Variants in P2RX7 observed in about 807,000 individuals in gnomAD.
The protein encoded by P2RX7 is P2X purinoceptor 7.
Under a neutral mutation model 71.6 loss-of-function variants are expected in P2RX7, and 62 were observed. The observed-to-expected ratio is 0.87, with a 90% CI of 0.71 to 1.07. P2RX7 has a LOEUF of 1.07. P2RX7 is among the 50% of genes least tolerant of loss of function. The pLI, the probability that P2RX7 is intolerant of heterozygous loss-of-function variation, is 0.00. For missense variants in P2RX7, 686 were observed against 748.5 expected (o/e 0.92, Z 0.97); for synonymous variants, 299 against 283.3 (o/e 1.06, Z -0.56).
rs201193974 is a variant in P2RX7, at chr12:121,167,475, G to C, written c.745-13G>C. On this transcript the variant is annotated splice_polypyrimidine_tract_variant and intron_variant, in intron 7 of 12. Transcript: ENST00000328963. Reference sequence around the variant, plus strand: ...CCAGCAGCCATAGAGACTGTCCCTTGTTGATCCTTCAGGGCGGAATAATGG... The same window carrying C: ...CCAGCAGCCATAGAGACTGTCCCTTCTTGATCCTTCAGGGCGGAATAATGG... The C allele has an allele frequency of 3.0e-5, 49 of 1,613,860 alleles. No homozygotes were observed. The highest frequency in any genetic ancestry group is 3.8e-5 in the Non-Finnish European group (45 of 1,179,914).
chr12:121,148,111 T>C (rs1876595629), intron 1 of P2RX7, among the ~76,000 whole-genome samples: 1 of 152,142 alleles, frequency 6.6e-6, no homozygotes, highest in African/African-American at 2.4e-5. Context: ...TATCTATTTG[T>C]GTGTCTAGGT....
At chr12:121,159,029 G>A (rs1044525366) in intron 3 of P2RX7, among the ~76,000 whole-genome samples, 1 of 152,218 alleles carries the variant, frequency 6.6e-6, no homozygotes, top group African/African-American at 2.4e-5. Context: ...GAGATCATGA[G>A]AGAGTTTGAA....
chr12:121,133,496 T>C (rs944417668), intron 1 of P2RX7, among the ~76,000 whole-genome samples: 1 of 152,212 alleles, frequency 6.6e-6, no homozygotes, highest in African/African-American at 2.4e-5. Flanking sequence ...GAAAATGTGT[T>C]ATAACTTTAG....
At chr12:121,134,074 C>A (rs1204010603) in intron 1 of P2RX7, among the ~76,000 whole-genome samples, 1 of 152,108 alleles carries the variant, frequency 6.6e-6, no homozygotes, top group Non-Finnish European at 1.5e-5. Flanking sequence ...CATGGATAGA[C>A]CACTTTTTTC....
intron 1 of P2RX7, among the ~76,000 whole-genome samples, chr12:121,153,956 A>G (rs973602546): frequency 6.6e-6 from 1 of 152,164 alleles, no homozygotes; most frequent in Middle Eastern, 3.4e-3. Flanking sequence ...CCCCGTCTCT[A>G]TAAAAAATAA....
chr12:121,165,342 A>C lies in P2RX7; in HGVS notation c.534-15A>C, dbSNP rs760835245. On this transcript the variant is annotated splice_polypyrimidine_tract_variant and intron_variant, in intron 5 of 12. Coordinates refer to ENST00000328963, the MANE Select transcript of P2RX7 (RefSeq NM_002562.6). ...CCCCCGTCACTAATGGCCATTTTGC[A>C]TGTCTCTCTCCCAGGCCTGCTCTCT... The C allele has an allele frequency of 6.2e-7, 1 of 1,611,486 alleles. No homozygotes were observed. Among genetic ancestry groups the C allele is most frequent in the Non-Finnish European group, 8.5e-7 (1 of 1,177,776 alleles).
chr12:121,148,511 A>G (rs1462367012), intron 1 of P2RX7, among the ~76,000 whole-genome samples: 1 of 152,064 alleles, frequency 6.6e-6, no homozygotes, highest in Admixed American at 6.6e-5. Flanking sequence ...CACCGCACCC[A>G]GCTGTGATCT....
chr12:121,153,837 G>T (rs1055876055), intron 1 of P2RX7, among the ~76,000 whole-genome samples: 8 of 152,160 alleles, frequency 5.3e-5, no homozygotes, highest in Non-Finnish European at 1.0e-4. Flanking sequence ...CTGCAGCCTG[G>T]TGTGGTGGCC....
intron 1 of P2RX7, chr12:121,148,875 G>C: frequency 3.0e-6 from 1 of 330,552 alleles, no homozygotes; most frequent in South Asian, 2.5e-5. Context: ...TGCAGGCACA[G>C]TCCTGGCGCT....
Position 121,155,450 on chromosome 12 carries a change from C to T in P2RX7, c.294+497C>T, listed in dbSNP as rs1027485919. On this transcript the variant is annotated intron_variant, in intron 2 of 12. Coordinates refer to ENST00000328963, the MANE Select transcript of P2RX7 (RefSeq NM_002562.6). Reference sequence around the variant, plus strand: ...TCGGTCACTGAGAGAAGGCGTGTGACTTCTAGATTTGCAAGCAGGGAAAAT... The same window carrying T: ...TCGGTCACTGAGAGAAGGCGTGTGATTTCTAGATTTGCAAGCAGGGAAAAT... The T allele has an allele frequency of 5.0e-5, 60 of 1,189,154 alleles. No individual in the cohort carries two copies. In the Admixed American group the frequency reaches 1.4e-3, roughly 28 times the overall value. The allele number at this position is 1,189,154 out of a possible 1,614,324, so 73.7% of individuals were successfully genotyped here. A position where few individuals can be genotyped will look rare whatever the true frequency, so the allele number is the denominator to read the frequency against.
chr12:121,138,645 ATC>A (rs773461475), intron 1 of P2RX7, among the ~76,000 whole-genome samples: 5 of 152,242 alleles, frequency 3.3e-5, no homozygotes, highest in Non-Finnish European at 7.3e-5. Flanking sequence ...AAAATCGGTG[ATC>A]TATTACAAGG....
At chr12:121,181,872 T>C (rs1175974275) in intron 12 of P2RX7, among the ~76,000 whole-genome samples, 1 of 151,848 alleles carries the variant, frequency 6.6e-6, no homozygotes, top group African/African-American at 2.4e-5. Context: ...AGGAACAGCC[T>C]GGCCAACATG....
At chr12:121,143,855 A>C (rs1039467303) in intron 1 of P2RX7, among the ~76,000 whole-genome samples, 1 of 152,184 alleles carries the variant, frequency 6.6e-6, no homozygotes, top group Non-Finnish European at 1.5e-5. Flanking sequence ...CGTCTCAAAA[A>C]AAAGAAAGTC....
Position 121,167,521 on chromosome 12 carries a change from T to G in P2RX7, c.778T>G (p.Cys260Gly). The part of the protein sequence containing the change: ...GIMGIEIYWD[C>G]NLDRWFHHCR... ...AATGGGCATTGAGATCTACTGGGAC[T>G]GCAACCTAGACCGTTGGTTCCATCA... is the stretch of plus-strand genomic sequence containing the variant. The change falls in exon 8 of 13, where the codon TGC (cysteine) becomes GGC (glycine). Residue 260 changes from cysteine to glycine, a missense_variant. By Grantham distance (159) the Cys-to-Gly change is radical (BLOSUM62 -3). Coordinates refer to ENST00000328963, the MANE Select transcript of P2RX7 (RefSeq NM_002562.6). 6.2e-7 allele frequency: 1 copy of G among 1,614,020 alleles called. No homozygotes were observed. Among genetic ancestry groups the G allele is most frequent in the Non-Finnish European group, 8.5e-7 (1 of 1,179,938 alleles).
chr12:121,164,391 GT>G (rs1485961279), intron 5 of P2RX7, among the ~76,000 whole-genome samples: 1 of 152,234 alleles, frequency 6.6e-6, no homozygotes, highest in Non-Finnish European at 1.5e-5. Flanking sequence ...TACGGAGCAA[GT>G]CTCAACCACT....
rs964330769 is a variant in P2RX7, at chr12:121,165,414, C to T, written c.591C>T (p.Asp197=). 6.2e-7 allele frequency: 1 copy of T among 1,614,070 alleles called. No homozygotes were observed. The highest frequency in any genetic ancestry group is 1.7e-5 in the Admixed American group (1 of 60,012). Residue 197 remains aspartate (D), a synonymous_variant, in exon 6 of 13, where the codon GAC becomes GAT. Transcript: ENST00000328963. ...CTGTGCTCATCAAGAACAATATCGA[C>T]TTCCCCGGCCACAACTACACCACGT... is the stretch of plus-strand genomic sequence containing the variant. The part of the protein sequence containing the change: ...NFTVLIKNNI[D]FPGHNYTTRN...
At chr12:121,176,143 T>A (rs1883070938) in intron 9 of P2RX7, among the ~76,000 whole-genome samples, 1 of 151,630 alleles carries the variant, frequency 6.6e-6, no homozygotes, top group South Asian at 2.1e-4. Flanking sequence ...GTGACCAGGG[T>A]CATGCCATAC....
chr12:121,177,732 A>ATTTATTTT (rs2136146931), intron 11 of P2RX7, among the ~76,000 whole-genome samples: 1 of 134,002 alleles, frequency 7.5e-6, no homozygotes, highest in South Asian at 2.4e-4. Flanking sequence ...TTATTTATTT[A>ATTTATTTT]TTTTCAGATG....
intron 8 of P2RX7, among the ~76,000 whole-genome samples, chr12:121,174,673 G>A (rs1024506587): frequency 8.6e-5 from 13 of 151,818 alleles, no homozygotes; most frequent in South Asian, 2.1e-4. Context: ...ATTTACCACC[G>A]CCCACTCCCA....
Sources: gnomAD v4.1 joint callset for allele counts (sites outside exome capture counted in the v4.1 genomes callset) on GRCh38, gnomAD v4.1.1 for gene constraint, MANE v1.5 for transcripts, NCBI Gene and HGNC (gene_info 2026-07-23, HGNC 2026-07-21) for gene names.